Variants in NOX4 observed in about 807,000 individuals in gnomAD.
NOX4 encodes the protein NADPH oxidase 4, also known as kidney oxidase-1.
In NOX4, 69 loss-of-function variants were observed where a neutral mutation model predicts 87.6. The ratio of observed to expected loss-of-function variants is 0.79; its 90% CI spans 0.65 to 0.96. NOX4 has a LOEUF of 0.96. Among genes scored for constraint, NOX4 ranks in the 40% least tolerant of loss-of-function variants. The probability of loss-of-function intolerance (pLI) is 0.00; values close to 1 mark genes in which losing one functional copy is unlikely to be tolerated. For synonymous variants in NOX4, 275 were observed against 238.2 expected, an observed-to-expected ratio of 1.15 and a Z score of -1.42; for missense variants, 680 against 681.5, an observed-to-expected ratio of 1.00 and a Z score of 0.02.
At chr11:89,328,182 G>A (rs1393027900) in intron 17 of NOX4, among the ~76,000 whole-genome samples, 1 of 152,174 alleles carries the variant, frequency 6.6e-6, no homozygotes, top group African/African-American at 2.4e-5. Context: ...TCGGAGATTG[G>A]TAGAGGAGAA....
chr11:89,527,449 G>T, the NOX4 span, among the ~76,000 whole-genome samples: 1 of 152,156 alleles, frequency 6.6e-6, no homozygotes, highest in Non-Finnish European at 1.5e-5. Flanking sequence ...TGTCTCCAGG[G>T]CATGTCAAGG....
the NOX4 span, among the ~76,000 whole-genome samples, chr11:89,516,018 C>T: frequency 1.3e-5 from 2 of 151,980 alleles, no homozygotes; most frequent in African/African-American, 2.4e-5. Flanking sequence ...TGTTTGTTCT[C>T]CTTTAATTTC....
intron 12 of NOX4, among the ~76,000 whole-genome samples, chr11:89,368,959 ACT>A (rs1243608899): frequency 1.3e-5 from 2 of 151,976 alleles, no homozygotes; most frequent in South Asian, 2.1e-4. Context: ...GATATAAAAT[ACT>A]CTCTTACTTT....
the NOX4 span, among the ~76,000 whole-genome samples, chr11:89,524,675 TA>T: frequency 1.9e-4 from 29 of 151,688 alleles, no homozygotes; most frequent in South Asian, 1.7e-3. Flanking sequence ...TTTTCTTTTT[TA>T]AAAAAAAAGT....
intron 17 of NOX4, among the ~76,000 whole-genome samples, chr11:89,330,325 A>G (rs12799869): frequency 6.6e-6 from 1 of 152,086 alleles, no homozygotes; most frequent in South Asian, 2.1e-4. Flanking sequence ...CTCTGGCCTG[A>G]GCAACAGAGC....
At chr11:89,340,837 CTATT>C (rs1368690225) in intron 14 of NOX4, among the ~76,000 whole-genome samples, 1 of 152,036 alleles carries the variant, frequency 6.6e-6, no homozygotes, top group Non-Finnish European at 1.5e-5. Flanking sequence ...CAGAAACAAA[CTATT>C]TCTGGCTTAG....
rs563005185 is a variant in NOX4 at position 89,420,159 on chromosome 11, C to T, written c.629+1743G>A. ...TAGGATCCATCAGTTAAGTAAACTTCAACAAGCTGCTTAATCTTTCTAAAC... is the reference window on the plus strand; with the variant it reads ...TAGGATCCATCAGTTAAGTAAACTTTAACAAGCTGCTTAATCTTTCTAAAC... On this transcript the variant is annotated intron_variant, in intron 8 of 17. Coordinates refer to ENST00000263317, the MANE Select transcript of NOX4 (RefSeq NM_016931.5). 1.6e-4 allele frequency among the ~76,000 whole-genome samples: 24 copies of T among 152,206 alleles called. No homozygotes were observed. The South Asian group carries it at 3.9e-3, about 25-fold the overall frequency.
At chr11:89,464,441 T>C (rs1207834532) in intron 2 of NOX4, among the ~76,000 whole-genome samples, 1 of 152,178 alleles carries the variant, frequency 6.6e-6, no homozygotes, top group African/African-American at 2.4e-5. Flanking sequence ...ACGGACCCAT[T>C]TTTAAGTGGC....
chr11:89,471,808 C>T (rs1390174654), intron 2 of NOX4, among the ~76,000 whole-genome samples: 1 of 152,156 alleles, frequency 6.6e-6, no homozygotes, highest in African/African-American at 2.4e-5. Context: ...ATGGTGCAAT[C>T]TCAGCTCACT....
chr11:89,544,226 A>G, the NOX4 span, among the ~76,000 whole-genome samples: 1 of 152,146 alleles, frequency 6.6e-6, no homozygotes, highest in South Asian at 2.1e-4. Flanking sequence ...TCTCTGCTTA[A>G]ATGTTTTTTT....
intron 11 of NOX4, among the ~76,000 whole-genome samples, chr11:89,395,561 G>A (rs1236683253): frequency 7.9e-5 from 12 of 152,070 alleles, no homozygotes; most frequent in Non-Finnish European, 1.6e-4. Flanking sequence ...TGCTGTTTTA[G>A]TCATGAAGTC....
At chr11:89,366,439 A>G (rs1938993837) in intron 12 of NOX4, among the ~76,000 whole-genome samples, 1 of 152,046 alleles carries the variant, frequency 6.6e-6, no homozygotes, top group Admixed American at 6.6e-5. Flanking sequence ...GCACTTTGGG[A>G]GGCCGAGGTG....
intron 12 of NOX4, among the ~76,000 whole-genome samples, chr11:89,366,087 G>A (rs528093311): frequency 7.6e-4 from 116 of 152,156 alleles, no homozygotes; most frequent in African/African-American, 2.3e-3. Context: ...GTCCATTAAC[G>A]CTAGGCTCAT....
At chr11:89,576,525 G>T in the NOX4 span, among the ~76,000 whole-genome samples, 1 of 152,028 alleles carries the variant, frequency 6.6e-6, no homozygotes. Context: ...TTTAAATCTA[G>T]CTTCTTCTTA....
intron 12 of NOX4, among the ~76,000 whole-genome samples, chr11:89,364,862 C>T (rs3907664): frequency 6.6e-6 from 1 of 152,046 alleles, no homozygotes; most frequent in East Asian, 1.9e-4. Context: ...ATTTGGTATG[C>T]TGTAGACAAG....
At chr11:89,336,778 G>C (rs1233612361) in intron 16 of NOX4, among the ~76,000 whole-genome samples, 1 of 151,886 alleles carries the variant, frequency 6.6e-6, no homozygotes, top group Non-Finnish European at 1.5e-5. Flanking sequence ...AAATACGACT[G>C]GAAAACTTAG....
chr11:89,398,918 A>G (rs1941659442), intron 11 of NOX4, among the ~76,000 whole-genome samples: 1 of 151,950 alleles, frequency 6.6e-6, no homozygotes, highest in Admixed American at 6.6e-5. Context: ...GTTGAGTGAA[A>G]GGAGCCAGTT....
At chr11:89,347,397 GACA>G (rs1298061156) in intron 13 of NOX4, among the ~76,000 whole-genome samples, 7 of 152,198 alleles carry the variant, frequency 4.6e-5, no homozygotes, top group Admixed American at 4.6e-4. Flanking sequence ...GAACAGAGCT[GACA>G]ACGAGAATGG....
intron 12 of NOX4, among the ~76,000 whole-genome samples, chr11:89,364,151 A>G (rs1275609026): frequency 6.6e-6 from 1 of 152,042 alleles, no homozygotes; most frequent in Admixed American, 6.6e-5. Flanking sequence ...GGAAGCTGAG[A>G]CAAGAGGATT....
Sources: allele counts gnomAD v4.1 joint callset (sites outside exome capture counted in the v4.1 genomes callset), GRCh38; gene constraint gnomAD v4.1.1; transcripts MANE v1.5; gene names NCBI Gene and HGNC (gene_info 2026-07-23, HGNC 2026-07-21).